Variants in SMYD3 observed in about 807,000 individuals in gnomAD.
The protein encoded by SMYD3 is SET and MYND domain containing 3.
In SMYD3, 36 loss-of-function variants were observed where a neutral mutation model predicts 57.7. The ratio of observed to expected loss-of-function variants is 0.62; its 90% CI spans 0.48 to 0.82. The LOEUF is 0.82. Among genes scored for constraint, SMYD3 ranks in the 40% least tolerant of loss-of-function variants. The probability of loss-of-function intolerance (pLI) is 0.00; values close to 1 mark genes in which losing one functional copy is unlikely to be tolerated. For synonymous variants in SMYD3, 211 were observed against 195.0 expected (o/e 1.08, Z -0.68); for missense variants, 515 against 538.8 (o/e 0.96, Z 0.44).
At chr1:245,969,716 T>C (rs1472489544) in intron 5 of SMYD3, among the ~76,000 whole-genome samples, 2 of 152,226 alleles carry the variant, frequency 1.3e-5, no homozygotes. Context: ...CATTCCTTCG[T>C]GTTGTTTTGA....
chr1:245,865,191 CTCT>C (rs1359309225), intron 8 of SMYD3, among the ~76,000 whole-genome samples: 4 of 152,132 alleles, frequency 2.6e-5, no homozygotes, highest in Non-Finnish European at 5.9e-5. Flanking sequence ...CTTCACATAG[CTCT>C]TCTATGTATG....
intron 3 of SMYD3, among the ~76,000 whole-genome samples, chr1:246,330,775 G>A (rs1306597537): frequency 6.6e-6 from 1 of 152,068 alleles, no homozygotes; most frequent in Non-Finnish European, 1.5e-5. Flanking sequence ...TGTACAAAAA[G>A]TTCCCATATT....
At chr1:245,844,374 C>T (rs569199328) in intron 10 of SMYD3, among the ~76,000 whole-genome samples, 1 of 152,158 alleles carries the variant, frequency 6.6e-6, no homozygotes, top group Admixed American at 6.5e-5. Context: ...ATTAGCTTTA[C>T]TGCACTGCAC....
chr1:245,797,659 G>A (rs1338056513), intron 10 of SMYD3, among the ~76,000 whole-genome samples: 1 of 151,418 alleles, frequency 6.6e-6, no homozygotes, highest in African/African-American at 2.4e-5. Flanking sequence ...ATGTACCCTA[G>A]AACTTAAAGT....
chr1:246,327,828 T>C (rs796129226), intron 4 of SMYD3, among the ~76,000 whole-genome samples: 16 of 152,306 alleles, frequency 1.1e-4, no homozygotes, highest in African/African-American at 3.6e-4. Context: ...ATTTGTCATA[T>C]GGCTAGTACA....
intron 10 of SMYD3, among the ~76,000 whole-genome samples, chr1:245,846,743 A>C (rs1214639581): frequency 6.6e-6 from 1 of 152,240 alleles, no homozygotes; most frequent in Non-Finnish European, 1.5e-5. Flanking sequence ...TGAAAGGTAG[A>C]GTCCTTAAAG....
chr1:245,890,282 A>G (rs1269456069), intron 8 of SMYD3, among the ~76,000 whole-genome samples: 1 of 152,190 alleles, frequency 6.6e-6, no homozygotes, highest in Non-Finnish European at 1.5e-5. Context: ...CAATGAACAA[A>G]GTAAAGAGAC....
chr1:246,380,690 C>G (rs975044277), intron 1 of SMYD3, among the ~76,000 whole-genome samples: 2 of 152,174 alleles, frequency 1.3e-5, no homozygotes, highest in African/African-American at 2.4e-5. Context: ...ACGACAGAGG[C>G]AGAATAGCAG....
chr1:246,426,952 T>A (rs1334177056), intron 1 of SMYD3, among the ~76,000 whole-genome samples: 1 of 152,070 alleles, frequency 6.6e-6, no homozygotes, highest in Non-Finnish European at 1.5e-5. Flanking sequence ...AAACTCTATG[T>A]AAATTTGAGA....
chr1:246,109,385 C>T (rs7528464), intron 5 of SMYD3, among the ~76,000 whole-genome samples: 24,834 of 152,092 alleles, frequency 0.16, 3,621 homozygotes, highest in African/African-American at 0.39. Flanking sequence ...GCAGTCACTT[C>T]GCAGTTTGCA....
intron 5 of SMYD3, among the ~76,000 whole-genome samples, chr1:246,204,617 C>G (rs748771553): frequency 2.0e-5 from 3 of 152,226 alleles, no homozygotes; most frequent in Non-Finnish European, 4.4e-5. Context: ...TCTGGACCAT[C>G]ATGTCACATA....
intron 5 of SMYD3, among the ~76,000 whole-genome samples, chr1:246,235,737 G>A (rs1264367651): frequency 1.3e-5 from 2 of 152,134 alleles, no homozygotes; most frequent in African/African-American, 2.4e-5. Context: ...GGGGAGGGCT[G>A]GGGAAAGAGC....
At chr1:246,330,356 A>G (rs2065438714) in intron 4 of SMYD3, 124 bp downstream of exon 4, 1 of 699,830 alleles carries the variant, frequency 1.4e-6, no homozygotes, top group African/African-American at 1.8e-5. Context: ...TATAAAAATA[A>G]ATTTTGTTAG....
chr1:246,085,385 G>A (rs115938818), intron 5 of SMYD3, among the ~76,000 whole-genome samples: 3,329 of 151,492 alleles, frequency 0.022, 94 homozygotes, highest in African/African-American at 0.058. Context: ...GATATTTTAA[G>A]CTGAAGGATT....
chr1:246,417,946 C>T (rs1414165887), intron 1 of SMYD3, among the ~76,000 whole-genome samples: 1 of 152,192 alleles, frequency 6.6e-6, no homozygotes, highest in Non-Finnish European at 1.5e-5. Flanking sequence ...CAGGAATGAG[C>T]AGATAGTCAG....
intron 10 of SMYD3, among the ~76,000 whole-genome samples, chr1:245,857,601 G>A (rs761374491): frequency 5.2e-5 from 7 of 135,330 alleles, no homozygotes; most frequent in Admixed American, 7.4e-5. Flanking sequence ...CTGTTCTCCA[G>A]GGACCTCCTC....
chr1:246,338,146 A>T (rs1383980626), intron 2 of SMYD3, among the ~76,000 whole-genome samples: 3 of 152,210 alleles, frequency 2.0e-5, no homozygotes, highest in African/African-American at 7.2e-5. Flanking sequence ...CATACCACTT[A>T]AAATTGGTCT....
Position 246,281,721 on chromosome 1 carries a change from T to G in SMYD3, c.531+45480A>C, listed in dbSNP as rs547123033. 7.2e-5 allele frequency among the ~76,000 whole-genome samples: 11 copies of G among 152,302 alleles called. No homozygotes were observed. The South Asian group carries it at 2.1e-3, about 29-fold the overall frequency. ...ACATACTATGGGCATAACCTATGCT[T>G]AGGCACTGAGAAAACAGTGGAGGAA... On this transcript the variant is annotated intron_variant, in intron 5 of 11. Transcript: ENST00000490107.
intron 1 of SMYD3, among the ~76,000 whole-genome samples, chr1:246,377,026 A>G (rs915480913): frequency 6.6e-6 from 1 of 151,924 alleles, no homozygotes; most frequent in African/African-American, 2.4e-5. Context: ...CTTGAACCCG[A>G]GAGGCAGAGG....
Sources: allele counts gnomAD v4.1 joint callset (sites outside exome capture counted in the v4.1 genomes callset), GRCh38; gene constraint gnomAD v4.1.1; transcripts MANE v1.5; gene names NCBI Gene and HGNC (gene_info 2026-07-23, HGNC 2026-07-21).